The following LRRTM4 variants were observed in gnomAD, a reference collection of about 807,000 sequenced individuals.
LRRTM4 encodes leucine rich repeat transmembrane neuronal 4.
LRRTM4 carries 25 observed loss-of-function variants against 47.6 expected under a neutral mutation model. The ratio of observed to expected loss-of-function variants is 0.53; its 90% CI spans 0.38 to 0.73. LRRTM4 has a LOEUF of 0.73. Ranked by LOEUF, LRRTM4 falls within the 30% of genes least tolerant of loss-of-function variation. The pLI, the probability that LRRTM4 is intolerant of heterozygous loss-of-function variation, is 0.00. For missense variants in LRRTM4, 638 were observed against 713.4 expected (o/e 0.89, Z 1.20); for synonymous variants, 311 against 269.5 (o/e 1.15, Z -1.51).
chr2:77,449,753 C>A (rs1346761079), intron 3 of LRRTM4, among the ~76,000 whole-genome samples: 1 of 152,154 alleles, frequency 6.6e-6, no homozygotes, highest in Non-Finnish European at 1.5e-5. Flanking sequence ...AAAAACAGCT[C>A]CTGGTGCCCA....
intron 3 of LRRTM4, among the ~76,000 whole-genome samples, chr2:77,367,107 C>G (rs58451310): frequency 0.037 from 5,618 of 151,782 alleles, 362 homozygotes; most frequent in African/African-American, 0.13. Flanking sequence ...CCATTAGAGC[C>G]TGAATGTATT....
At chr2:77,066,157 CA>C (rs1375666889) in intron 3 of LRRTM4, among the ~76,000 whole-genome samples, 1 of 152,110 alleles carries the variant, frequency 6.6e-6, no homozygotes, top group Non-Finnish European at 1.5e-5. Flanking sequence ...GTGAGGAGCT[CA>C]GATACTGAGT....
intron 3 of LRRTM4, among the ~76,000 whole-genome samples, chr2:77,500,558 A>C (rs1678534346): frequency 6.6e-6 from 1 of 151,642 alleles, no homozygotes. Flanking sequence ...TATATTTAAA[A>C]ATAAATTTTC....
At chr2:76,763,587 T>G (rs1673341898) in intron 3 of LRRTM4, among the ~76,000 whole-genome samples, 1 of 152,190 alleles carries the variant, frequency 6.6e-6, no homozygotes, top group Non-Finnish European at 1.5e-5. Context: ...CCTATGCAGA[T>G]GAGTTAGGAC....
chr2:76,829,601 G>A (rs1404295630), intron 3 of LRRTM4, among the ~76,000 whole-genome samples: 1 of 151,866 alleles, frequency 6.6e-6, no homozygotes, highest in Non-Finnish European at 1.5e-5. Flanking sequence ...TATTTTTACT[G>A]CTTAATACAT....
intron 3 of LRRTM4, among the ~76,000 whole-genome samples, chr2:77,084,182 C>A (rs577381941): frequency 6.6e-6 from 1 of 152,170 alleles, no homozygotes; most frequent in South Asian, 2.1e-4. Flanking sequence ...AGAAAACTTG[C>A]GGAAACTTTC....
intron 3 of LRRTM4, among the ~76,000 whole-genome samples, chr2:76,844,741 C>G (rs1671789985): frequency 6.6e-6 from 1 of 152,124 alleles, no homozygotes; most frequent in Non-Finnish European, 1.5e-5. Flanking sequence ...AAACATCTTA[C>G]TTAATGATGT....
intron 3 of LRRTM4, among the ~76,000 whole-genome samples, chr2:77,292,613 C>T (rs1440846256): frequency 5.4e-5 from 8 of 148,048 alleles, no homozygotes; most frequent in South Asian, 2.1e-4. Context: ...AACCAAACAC[C>T]GCATAGTCTC....
intron 3 of LRRTM4, among the ~76,000 whole-genome samples, chr2:76,897,209 G>A (rs375453343): frequency 4.5e-4 from 68 of 152,182 alleles, no homozygotes; most frequent in East Asian, 2.3e-3. Context: ...AGTAGGCAGC[G>A]TCAATAATGC....
chr2:76,867,689 A>T (rs1428271160), intron 3 of LRRTM4, among the ~76,000 whole-genome samples: 1 of 152,194 alleles, frequency 6.6e-6, no homozygotes, highest in Non-Finnish European at 1.5e-5. Context: ...TTATTTGATG[A>T]TGCCATCTTA....
At chr2:77,211,416 G>T in intron 3 of LRRTM4, among the ~76,000 whole-genome samples, 1 of 152,124 alleles carries the variant, frequency 6.6e-6, no homozygotes. Flanking sequence ...AAAACTAATA[G>T]GAAGCCGCTG....
At chr2:77,070,329 G>A (rs1436723474) in intron 3 of LRRTM4, among the ~76,000 whole-genome samples, 1 of 151,918 alleles carries the variant, frequency 6.6e-6, no homozygotes, top group Non-Finnish European at 1.5e-5. Context: ...ACAAACTTTT[G>A]CCAGTTTTTG....
intron 3 of LRRTM4, among the ~76,000 whole-genome samples, chr2:77,132,151 C>T (rs1393470914): frequency 1.3e-5 from 2 of 152,166 alleles, no homozygotes. Flanking sequence ...TCAACCCATA[C>T]AGTCTTTCCA....
At chr2:76,915,735 T>A (rs59739394) in intron 3 of LRRTM4, among the ~76,000 whole-genome samples, 1 of 152,062 alleles carries the variant, frequency 6.6e-6, no homozygotes, top group East Asian at 1.9e-4. Flanking sequence ...AGTAAAAAAA[T>A]TAAAATATGA....
chr2:76,775,270 T>A (rs1206463730), intron 3 of LRRTM4, among the ~76,000 whole-genome samples: 13 of 152,202 alleles, frequency 8.5e-5, no homozygotes, highest in Non-Finnish European at 4.4e-5. Flanking sequence ...TTCATAATGT[T>A]CAATCATGGT....
chr2:77,034,612 C>T (rs1006363084), intron 3 of LRRTM4, among the ~76,000 whole-genome samples: 2 of 151,816 alleles, frequency 1.3e-5, no homozygotes, highest in Admixed American at 6.6e-5. Context: ...TGCAGTGTTA[C>T]GTATTCCTTT....
At chr2:77,348,117 G>A (rs1388545929) in intron 3 of LRRTM4, among the ~76,000 whole-genome samples, 1 of 151,632 alleles carries the variant, frequency 6.6e-6, no homozygotes. Context: ...TACTTCTGCA[G>A]GGCTGGAAAA....
intron 3 of LRRTM4, among the ~76,000 whole-genome samples, chr2:77,439,174 TAAAAG>T (rs1675733373): frequency 6.6e-6 from 1 of 152,160 alleles, no homozygotes; most frequent in African/African-American, 2.4e-5. Flanking sequence ...TCTGCACCTA[TAAAAG>T]AAGACTAAAA....
At chr2:77,422,417 C>A (rs1242408242) in intron 3 of LRRTM4, among the ~76,000 whole-genome samples, 1 of 152,134 alleles carries the variant, frequency 6.6e-6, no homozygotes. Context: ...TAAATGGTAC[C>A]AGCAAGTTGC....
Sources: allele counts gnomAD v4.1 joint callset (sites outside exome capture counted in the v4.1 genomes callset), GRCh38; gene constraint gnomAD v4.1.1; transcripts MANE v1.5; gene names NCBI Gene and HGNC (gene_info 2026-07-23, HGNC 2026-07-21).